RNF213: variants seen among roughly 807,000 people sequenced by gnomAD.
RNF213 encodes the protein E3 ubiquitin-protein ligase RNF213.
RNF213 carries 341 observed loss-of-function variants against 514.4 expected under a neutral mutation model. The observed-to-expected ratio is 0.66, with a 90% CI of 0.61 to 0.73. RNF213 has a LOEUF of 0.73. Among genes scored for constraint, RNF213 ranks in the 30% least tolerant of loss-of-function variants. RNF213 has a pLI of 0.00. For missense variants in RNF213, 5,767 were observed against 6,615.6 expected (o/e 0.87, Z 4.45); for synonymous variants, 2,655 against 2,658.2 (o/e 1.00, Z 0.04).
In RNF213 at chr17:80,263,446, A is replaced by C; in HGVS notation, c.-108-128A>C. 2 of 429,292 alleles carry C rather than the reference A, an allele frequency of 4.7e-6. No individual in the cohort carries two copies. The highest frequency in any genetic ancestry group is 2.0e-5 in the African/African-American group (1 of 48,860). 26.6% of individuals were successfully genotyped at this position (429,292 alleles called of 1,614,324 possible). On this transcript the variant is annotated intron_variant, in intron 1 of 67. Coordinates refer to ENST00000582970, the MANE Select transcript of RNF213 (RefSeq NM_001256071.3). This position sits in a 1 kb window ranked among gnomAD's most constrained non-coding sequence, Gnocchi z 4.9. ...GGCTGGCTGAATGAGGGACCAGGGC[A>C]GAGACTGCAAAAGCTTGAGAGCCAA...
intron 6 of RNF213, 95 bp from the exon 7 acceptor site, chr17:80,290,475 G>A: frequency 6.9e-7 from 1 of 1,454,514 alleles, no homozygotes; most frequent in South Asian, 1.1e-5. Flanking sequence ...GTGTGCACGT[G>A]TGTGTGCGCA....
chr17:80,357,870 C>A (rs1160950862), intron 36 of RNF213, among the ~76,000 whole-genome samples: 1 of 152,160 alleles, frequency 6.6e-6, no homozygotes, highest in African/African-American at 2.4e-5. Context: ...GTGTGTTGTT[C>A]CTGTCTACTT....
Position 80,336,312 on chromosome 17 carries a change from A to C in RNF213, c.4461A>C (p.Ala1487=), listed in dbSNP as rs1475683743. The C allele has an allele frequency of 1.3e-6, 2 of 1,537,276 alleles. No individual in the cohort carries two copies. The highest frequency in any genetic ancestry group is 3.9e-5 in the Admixed American group (2 of 50,978). The change falls in exon 23 of 68, where the codon GCA becomes GCC. Residue 1487 remains alanine, a synonymous_variant. Transcript: ENST00000582970. ...FKLDPSVDFS[A]FMKHLKKLWK... ...TGGACCCCAGCGTGGACTTCAGTGC[A>C]TTCATGAAGCATCTGAAAAAGCTGT...
At chr17:80,386,987 C>A in intron 63 of RNF213, 96 bp downstream of exon 63, 1 of 1,201,266 alleles carries the variant, frequency 8.3e-7, no homozygotes. Flanking sequence ...CAGCACCTCA[C>A]CCTGCAGTCT....
intron 31 of RNF213, among the ~76,000 whole-genome samples, chr17:80,351,143 T>C (rs1178748022): frequency 6.6e-6 from 1 of 152,194 alleles, no homozygotes; most frequent in African/African-American, 2.4e-5. Context: ...GCTTTGGCCA[T>C]TGGTCATCTG....
intron 3 of RNF213, among the ~76,000 whole-genome samples, chr17:80,282,905 C>T (rs1400527929): frequency 6.6e-6 from 1 of 151,136 alleles, no homozygotes; most frequent in Non-Finnish European, 1.5e-5. Flanking sequence ...CCCATGTTGG[C>T]CAGGCTGGTC....
intron 2 of RNF213, among the ~76,000 whole-genome samples, chr17:80,269,784 A>G (rs1451476460): frequency 1.3e-5 from 2 of 152,100 alleles, no homozygotes; most frequent in Non-Finnish European, 1.5e-5. Flanking sequence ...CCATGTATCT[A>G]CCTATCTACC....
chr17:80,360,093 A>G lies in RNF213; in HGVS notation c.11087A>G (p.Gln3696Arg). 1 of 1,614,216 alleles carries G rather than the reference A, an allele frequency of 6.2e-7. No individual in the cohort carries two copies. Among genetic ancestry groups the G allele is most frequent in the Non-Finnish European group, 8.5e-7 (1 of 1,180,038 alleles). ...HKGEMAYIVV[Q>R]NHMNLSENAS... ...GGTGAGATGGCCTACATCGTGGTGCAGAACCACATGAACCTTTCCGAGAAC... is the reference window on the plus strand; with the variant it reads ...GGTGAGATGGCCTACATCGTGGTGCGGAACCACATGAACCTTTCCGAGAAC... The change falls in exon 38 of 68, where the codon CAG becomes CGG. Residue 3696 changes from glutamine (Q) to arginine (R), a missense_variant. By Grantham distance (43) the Gln-to-Arg change is conservative (BLOSUM62 1). Coordinates refer to ENST00000582970, the MANE Select transcript of RNF213 (RefSeq NM_001256071.3).
chr17:80,374,688 T>C, intron 50 of RNF213, 99 bp downstream of exon 50: 5 of 1,414,742 alleles, frequency 3.5e-6, no homozygotes, highest in Non-Finnish European at 4.9e-6. Flanking sequence ...GATGGACCAC[T>C]GATGCAGCCC....
rs36046948 is a variant in RNF213, at chr17:80,389,911, G to A, written c.15279G>A (p.Leu5093=). The change falls in exon 66 of 68, where the codon CTG becomes CTA. Residue 5093 remains leucine, a synonymous_variant. Coordinates refer to ENST00000582970, the MANE Select transcript of RNF213 (RefSeq NM_001256071.3). ...ATAAGTCTGAACAGCTGCTGCGGCT[G>A]CACAAAGTAAGTCTGGTCTCTTCCT... ...SAHKSEQLLR[L]HKEPFGEISS... The A allele has an allele frequency of 0.018, 29,780 of 1,614,096 alleles. 332 individuals are homozygous for A. The highest frequency in any genetic ancestry group is 0.036 in the Middle Eastern group (215 of 6,050).
In RNF213 at chr17:80,354,734, C is replaced by A. The variant is rs1039155320; in HGVS notation, c.10862+158C>A. ...CTGTAAAGTTTTTCCCCAAGAAGCA[C>A]ACAGTAGGTCTGGACAGTGGCCAAA... On this transcript the variant is annotated intron_variant, in intron 36 of 67. Coordinates refer to ENST00000582970, the MANE Select transcript of RNF213 (RefSeq NM_001256071.3). The A allele has an allele frequency of 3.3e-6, 3 of 898,854 alleles. No individual in the cohort carries two copies. In the Admixed American group the frequency reaches 6.0e-5, roughly 18 times the overall value. The allele number at this position is 898,854 out of a possible 1,614,324, so 55.7% of individuals were successfully genotyped here.
intron 2 of RNF213, among the ~76,000 whole-genome samples, chr17:80,267,849 T>C (rs1038940456): frequency 6.6e-6 from 1 of 150,442 alleles, no homozygotes; most frequent in Non-Finnish European, 1.5e-5. Flanking sequence ...AGACAGGGTC[T>C]TGGTCTGTCT....
intron 63 of RNF213, among the ~76,000 whole-genome samples, chr17:80,387,657 G>C (rs2080291590): frequency 6.6e-6 from 1 of 152,184 alleles, no homozygotes; most frequent in Non-Finnish European, 1.5e-5. Flanking sequence ...TCTTCATCCT[G>C]TGCCGGATGG....
In RNF213 at chr17:80,345,250, C is replaced by T. The variant is rs747922251; in HGVS notation, c.6915C>T (p.Tyr2305=). The T allele has an allele frequency of 6.8e-6, 11 of 1,614,030 alleles. No individual in the cohort carries two copies. The highest frequency in any genetic ancestry group is 2.7e-5 in the African/African-American group (2 of 74,926). ...GGTGGGAGTCGGAGCCTCACCCATACGTTTTCTTCAATGACGACCACACAA... is the reference window on the plus strand; with the variant it reads ...GGTGGGAGTCGGAGCCTCACCCATATGTTTTCTTCAATGACGACCACACAA... ...RKRWESEPHP[Y]VFFNDDHTTM... Residue 2305 remains tyrosine, a synonymous_variant, in exon 29 of 68, where the codon TAC becomes TAT. Coordinates refer to ENST00000582970, the MANE Select transcript of RNF213 (RefSeq NM_001256071.3). The surrounding 1 kb of genome is among the most constrained non-coding windows in gnomAD (Gnocchi z 6.0).
intron 38 of RNF213, 52 bp downstream of exon 38, chr17:80,360,258 A>G: frequency 6.3e-7 from 1 of 1,579,416 alleles, no homozygotes; most frequent in Non-Finnish European, 8.6e-7. Context: ...TCACAAAGGG[A>G]TTGCCTGACA....
At chr17:80,388,478 C>A in intron 63 of RNF213, 134 bp from the exon 64 acceptor site, 1 of 734,950 alleles carries the variant, frequency 1.4e-6, no homozygotes, top group Non-Finnish European at 2.5e-6. Flanking sequence ...CGGAGAGGGG[C>A]GCTCTTAGCC....
At chr17:80,372,943 G>T (rs1016847717) in intron 48 of RNF213, 32 bp from the exon 49 acceptor site, 1 of 1,603,522 alleles carries the variant, frequency 6.2e-7, no homozygotes, top group Non-Finnish European at 8.5e-7. Context: ...TAAGTCACCA[G>T]CCACTCACCC....
rs1267177245 is a variant in RNF213 at position 80,372,543 on chromosome 17, G to C, written c.12560G>C (p.Ser4187Thr). ...CLEDSILEKT[S>T]AYSRNDELNH... ...CAGGATTCAATACTTGAGAAGACCA[G>C]TGCTTACTCCAGAAATGATGAACTG... The change falls in exon 48 of 68, where the codon AGT becomes ACT. Residue 4187 changes from serine to threonine, a missense_variant. Ser to Thr is a moderately conservative substitution (Grantham distance 58). Transcript: ENST00000582970. 2.5e-6 allele frequency: 4 copies of C among 1,613,508 alleles called. No homozygotes were observed.
At position 80,288,241 on chromosome 17, in the gene RNF213, G is replaced by T. The variant is rs1365423020; in HGVS notation, c.688G>T (p.Gly230Cys). The T allele has an allele frequency of 2.5e-6, 4 of 1,613,346 alleles. No homozygotes were observed. In the Admixed American group the frequency reaches 6.7e-5, roughly 27 times the overall value. Residue 230 changes from glycine (G) to cysteine (C), a missense_variant, in exon 4 of 68, where the codon GGC becomes TGC. Coordinates refer to ENST00000582970, the MANE Select transcript of RNF213 (RefSeq NM_001256071.3). This position sits in a 1 kb window ranked among gnomAD's most constrained non-coding sequence, Gnocchi z 4.9. ...CGGTCCCCCCACCTCTGCTGGTGAA[G>T]GCCATTCTAGGACTGAAGATGCTGC... ...GTGPPTSAGE[G>C]HSRTEDAAQE...
Sources: gnomAD v4.1 joint callset for allele counts (sites outside exome capture counted in the v4.1 genomes callset) on GRCh38, gnomAD v4.1.1 for gene constraint, Gnocchi (gnomAD v3.1) non-coding constraint, MANE v1.5 for transcripts, NCBI Gene and HGNC (gene_info 2026-07-23, HGNC 2026-07-21) for gene names.